The following CDADC1 variants were observed in gnomAD, a reference collection of about 807,000 sequenced individuals.
CDADC1 encodes cytidine and dCMP deaminase domain containing 1.
Under a neutral mutation model 54.9 loss-of-function variants are expected in CDADC1, and 39 were observed. The ratio of observed to expected loss-of-function variants is 0.71; its 90% CI spans 0.55 to 0.93. CDADC1 has a LOEUF of 0.93. Ranked by LOEUF, CDADC1 falls within the 40% of genes least tolerant of loss-of-function variation. The pLI is 0.00. For synonymous variants in CDADC1, 186 were observed against 204.0 expected (o/e 0.91, Z 0.75); for missense variants, 518 against 618.8 (o/e 0.84, Z 1.73).
rs372230523 is a variant in CDADC1, at chr13:49,291,687, G to A, written c.1475G>A (p.Gly492Asp). 20 of 1,613,630 alleles carry A rather than the reference G, an allele frequency of 1.2e-5. No homozygotes were observed. Among genetic ancestry groups the A allele is most frequent in the Non-Finnish European group, 1.5e-5 (18 of 1,179,910 alleles). ...EQNEPERREN[G>D]VLRPVPQKEE... ...CTAGCGTTATTCTCAATGCTAGATG[G>A]TGTGTTGAGACCTGTCCCACAGAAG... is the stretch of plus-strand genomic sequence containing the variant. Residue 492 changes from glycine (G) to aspartate (D), a missense_variant, in exon 10 of 10, where the codon GGT (glycine) becomes GAT (aspartate). By Grantham distance (94) the Gly-to-Asp change is moderately conservative. Transcript: ENST00000251108.
At chr13:49,274,682 A>T (rs1028881245) in intron 6 of CDADC1, among the ~76,000 whole-genome samples, 29 of 152,218 alleles carry the variant, frequency 1.9e-4, no homozygotes, top group Middle Eastern at 3.4e-3. Context: ...AAAAAAAAAA[A>T]ATATTAATAT....
Position 49,254,854 on chromosome 13 carries a change from T to C in CDADC1, c.178-985T>C, listed in dbSNP as rs536535633. On this transcript the variant is annotated intron_variant, in intron 2 of 9. Transcript: ENST00000251108. ...TGTCATGTAGCAAGGGTTCAATAAGTATTTGTTGAACTAATAAATGAAGGA... is the reference window on the plus strand; with the variant it reads ...TGTCATGTAGCAAGGGTTCAATAAGCATTTGTTGAACTAATAAATGAAGGA... Among the ~76,000 whole-genome samples the C allele has an allele frequency of 1.1e-4, 16 of 152,362 alleles. No individual in the cohort carries two copies. In the South Asian group the frequency reaches 3.3e-3, roughly 32 times the overall value.
intron 4 of CDADC1, among the ~76,000 whole-genome samples, chr13:49,264,389 G>T (rs1952762191): frequency 6.6e-6 from 1 of 151,990 alleles, no homozygotes; most frequent in African/African-American, 2.4e-5. Context: ...GCTTTAAAGA[G>T]CTCTGAAAGG....
chr13:49,274,532 G>A (rs367950818), intron 6 of CDADC1, among the ~76,000 whole-genome samples, 192 bp downstream of exon 6: 3 of 151,854 alleles, frequency 2.0e-5, no homozygotes, highest in East Asian at 1.9e-4. Context: ...TTAGCTGGGC[G>A]TGGTGGCGGG....
At chr13:49,273,960 C>T (rs966684595) in intron 5 of CDADC1, among the ~76,000 whole-genome samples, 12 of 152,154 alleles carry the variant, frequency 7.9e-5, no homozygotes, top group South Asian at 2.1e-4. Context: ...GTTTAGAAAC[C>T]GGCTTGTTAA....
rs751022779 is a variant in CDADC1, at chr13:49,267,612, C to T, written c.553C>T (p.Arg185Trp). The T allele has an allele frequency of 1.2e-6, 2 of 1,614,070 alleles. No homozygotes were observed. The highest frequency in any genetic ancestry group is 8.5e-7 in the Non-Finnish European group (1 of 1,180,012). ...AGTGGAAAGATTGAAGTCAAACAGT[C>T]GGGCCCATGTGTGTGTCTTACTTCA... ...KAVERLKSNS[R>W]AHVCVLLQPL... Residue 185 changes from arginine to tryptophan, a missense_variant, in exon 5 of 10, where the codon CGG (arginine) becomes TGG (tryptophan). By Grantham distance (101) the Arg-to-Trp change is moderately radical (BLOSUM62 -3). Coordinates refer to ENST00000251108, the MANE Select transcript of CDADC1 (RefSeq NM_030911.4).
At position 49,248,963 on chromosome 13, in the gene CDADC1, C is replaced by G. The variant is rs778902076; in HGVS notation, c.175C>G (p.Gln59Glu). The G allele has an allele frequency of 1.9e-6, 3 of 1,590,826 alleles. No individual in the cohort carries two copies. Among genetic ancestry groups the G allele is most frequent in the Non-Finnish European group, 2.6e-6 (3 of 1,158,948 alleles). Residue 59 changes from glutamine (Q) to glutamate (E), a missense_variant and splice_region_variant, in exon 2 of 10, where the codon CAG (glutamine) becomes GAG (glutamate). Coordinates refer to ENST00000251108, the MANE Select transcript of CDADC1 (RefSeq NM_030911.4). ...AGCAGAAGCCCAGCGGCAAAAATCT[C>G]AGGTATAATTTGTTTCATAGTTTTT... Reference protein sequence around the residue: ...FPAEAQRQKSQKNEEGKHGPL... With the variant: ...FPAEAQRQKSEKNEEGKHGPL...
Position 49,275,726 on chromosome 13 carries a change from TAGAGAGAGAGAGAGAGAGAGAGAGAGAG to T in CDADC1, c.1050+1429_1050+1456del, listed in dbSNP as rs1163125791. Among the ~76,000 whole-genome samples, 112 of 17,936 alleles carry T rather than the reference TAGAGAGAGAGAGAGAGAGAGAGAGAGAG, an allele frequency of 6.2e-3. 3 individuals carry two copies. The highest frequency in any genetic ancestry group is 0.05 in the Middle Eastern group (1 of 20). The allele number at this position is 17,936 out of a possible 152,430, so 11.8% of individuals were successfully genotyped here. The stretch of plus-strand genomic sequence containing the variant: ...ATATATATATATATATATATATATA[TAGAGAGAGAGAGAGAGAGAGAGAGAGAG>T]AGAGAGAGAGAGAGAGAGAGAGAGA... On this transcript the variant is annotated intron_variant, in intron 6 of 9. Coordinates refer to ENST00000251108, the MANE Select transcript of CDADC1 (RefSeq NM_030911.4).
At position 49,248,269 on chromosome 13, in the gene CDADC1, G is replaced by A. The variant is rs532244166; in HGVS notation, c.82+150G>A. On this transcript the variant is annotated intron_variant, in intron 1 of 9. Transcript: ENST00000251108. Reference sequence around the variant, plus strand: ...TGCCCGCCCTCTGCGTGTCCCCTCCGCGGTCGCCAGGACCAATCGGCTCGG... The same window carrying A: ...TGCCCGCCCTCTGCGTGTCCCCTCCACGGTCGCCAGGACCAATCGGCTCGG... 1.6e-5 allele frequency: 11 copies of A among 674,536 alleles called. No homozygotes were observed. In the South Asian group the frequency reaches 1.9e-4, roughly 11 times the overall value. The allele number at this position is 674,536 out of a possible 1,614,324, so 41.8% of individuals were successfully genotyped here. A position where few individuals can be genotyped will look rare whatever the true frequency, so the allele number is the denominator to read the frequency against.
chr13:49,261,001 T>A (rs1003045390), intron 4 of CDADC1, among the ~76,000 whole-genome samples: 1 of 152,168 alleles, frequency 6.6e-6, no homozygotes, highest in Non-Finnish European at 1.5e-5. Context: ...GTCATCAAGT[T>A]GTAAGAAGCA....
intron 5 of CDADC1, among the ~76,000 whole-genome samples, chr13:49,269,177 G>C (rs1952901392): frequency 6.6e-6 from 1 of 152,190 alleles, no homozygotes; most frequent in Non-Finnish European, 1.5e-5. Context: ...TACAGATGCT[G>C]CTGGTCTGCA....
chr13:49,278,018 G>C lies in CDADC1; in HGVS notation c.1051-332G>C. On this transcript the variant is annotated intron_variant, in intron 6 of 9. Transcript: ENST00000251108. ...AAAAGAAATATATAACATGGTTTCTGCTCTCCAGGATCTATAATTTATTTG... is the reference window on the plus strand; with the variant it reads ...AAAAGAAATATATAACATGGTTTCTCCTCTCCAGGATCTATAATTTATTTG... 1.3e-5 allele frequency among the ~76,000 whole-genome samples: 2 copies of C among 152,188 alleles called. 1 individual carries two copies.
chr13:49,260,924 G>A (rs1311873184), intron 4 of CDADC1, among the ~76,000 whole-genome samples: 1 of 152,202 alleles, frequency 6.6e-6, no homozygotes, highest in Non-Finnish European at 1.5e-5. Flanking sequence ...GCTTAAGCTT[G>A]ATCTTGATGC....
chr13:49,285,380 T>A (rs1047911200), intron 8 of CDADC1, among the ~76,000 whole-genome samples: 1 of 151,816 alleles, frequency 6.6e-6, no homozygotes, highest in East Asian at 1.9e-4. Context: ...GGGTTTCACC[T>A]TGTTAGCCAG....
intron 3 of CDADC1, among the ~76,000 whole-genome samples, chr13:49,258,916 A>G (rs1442911630): frequency 1.3e-5 from 2 of 152,224 alleles, no homozygotes; most frequent in African/African-American, 2.4e-5. Context: ...TGGGTCTTTC[A>G]GAAAGTCATG....
intron 3 of CDADC1, 22 bp from the exon 4 acceptor site, chr13:49,259,324 G>C (rs773664140): frequency 6.5e-7 from 1 of 1,533,440 alleles, no homozygotes; most frequent in Admixed American, 1.9e-5. Flanking sequence ...CTAATAAGTT[G>C]TTATTTTATA....
chr13:49,291,844 G>T lies in CDADC1; in HGVS notation c.*87G>T. 1 of 1,502,740 alleles carries T rather than the reference G, an allele frequency of 6.7e-7. No homozygotes were observed. The highest frequency in any genetic ancestry group is 2.4e-5 in the East Asian group (1 of 42,326). 93.1% of individuals were successfully genotyped at this position (1,502,740 alleles called of 1,614,324 possible). ...CCTTGTTCATTCAGAAAATAAGGAT[G>T]GATTTTGTGAATAATTGAAAAGATT... On this transcript the variant is annotated 3_prime_UTR_variant, in exon 10 of 10. Transcript: ENST00000251108.
At chr13:49,278,121 C>T (rs1953200484) in intron 6 of CDADC1, among the ~76,000 whole-genome samples, 2 of 152,140 alleles carry the variant, frequency 1.3e-5, no homozygotes, top group Admixed American at 1.3e-4. Context: ...AAAACAAGGA[C>T]TTCCTTGAGA....
intron 6 of CDADC1, 109 bp from the exon 7 acceptor site, chr13:49,278,241 A>G (rs2274150): frequency 0.3 from 227,246 of 752,094 alleles, 35,140 homozygotes; most frequent in East Asian, 0.48. Context: ...TACTGTAGAA[A>G]ATTGAATGAA....
Sources: allele counts gnomAD v4.1 joint callset (sites outside exome capture counted in the v4.1 genomes callset), GRCh38; gene constraint gnomAD v4.1.1; transcripts MANE v1.5; gene names NCBI Gene and HGNC (gene_info 2026-07-23, HGNC 2026-07-21).